Variants in FER1L6 observed in about 807,000 individuals in gnomAD.
The protein encoded by FER1L6 is fer-1 like family member 6, also known as fer-1-like protein 6.
In FER1L6, 177 loss-of-function variants were observed where a neutral mutation model predicts 219.2. The observed-to-expected ratio is 0.81, with a 90% CI of 0.71 to 0.91. FER1L6 has a LOEUF of 0.91. Among genes scored for constraint, FER1L6 ranks in the 40% least tolerant of loss-of-function variants. FER1L6 has a pLI of 0.00. For missense variants in FER1L6, 2,153 were observed against 2,259.9 expected (o/e 0.95, Z 0.96); for synonymous variants, 768 against 824.3 (o/e 0.93, Z 1.17).
At chr8:123,886,403 T>C (rs1817203908) in intron 1 of FER1L6, among the ~76,000 whole-genome samples, 1 of 152,048 alleles carries the variant, frequency 6.6e-6, no homozygotes, top group Non-Finnish European at 1.5e-5. Context: ...AGAGAGTGAG[T>C]TGTTATAAAG....
At chr8:123,890,649 T>TTTTTA (rs1554612335) in intron 1 of FER1L6, among the ~76,000 whole-genome samples, 2 of 146,742 alleles carry the variant, frequency 1.4e-5, no homozygotes, top group African/African-American at 5.0e-5. Flanking sequence ...TTTTTTTTTT[T>TTTTTA]ACCTCTGATG....
intron 18 of FER1L6, among the ~76,000 whole-genome samples, chr8:124,033,146 A>G (rs1355420231): frequency 6.6e-6 from 1 of 152,228 alleles, no homozygotes; most frequent in African/African-American, 2.4e-5. Flanking sequence ...TTATTGTTAG[A>G]AAAGTAAATA....
intron 22 of FER1L6, among the ~76,000 whole-genome samples, chr8:124,050,043 C>G (rs1013431989): frequency 6.6e-6 from 1 of 152,218 alleles, no homozygotes. Context: ...TGCAGGCCTC[C>G]ATGCAGGTCA....
At chr8:124,103,107 GA>G (rs1438427712) in intron 38 of FER1L6, 38 bp from the exon 39 acceptor site, 2 of 1,588,390 alleles carry the variant, frequency 1.3e-6, no homozygotes, top group Admixed American at 3.5e-5. Flanking sequence ...GTTACTTTTA[GA>G]AAATGCTTCC....
intron 1 of FER1L6, among the ~76,000 whole-genome samples, chr8:123,926,108 A>G (rs1813553530): frequency 6.6e-6 from 1 of 152,226 alleles, no homozygotes; most frequent in Admixed American, 6.5e-5. Flanking sequence ...AGTGTAAATT[A>G]ACACTCAGAA....
intron 22 of FER1L6, 79 bp downstream of exon 22, chr8:124,049,835 A>G (rs192282236): frequency 2.3e-4 from 322 of 1,428,666 alleles, no homozygotes; most frequent in Non-Finnish European, 2.3e-4. Context: ...TGCCACTTCA[A>G]TGAAGCTGTG....
chr8:124,078,708 G>GCAACCTCT (rs879730647), intron 32 of FER1L6, among the ~76,000 whole-genome samples: 1 of 151,866 alleles, frequency 6.6e-6, no homozygotes. Context: ...GGCATCCCAG[G>GCAACCTCT]TGGGATGGGA....
chr8:124,069,514 G>A, intron 29 of FER1L6, 39 bp downstream of exon 29: 2 of 1,456,946 alleles, frequency 1.4e-6, no homozygotes, highest in Non-Finnish European at 1.9e-6. Context: ...TGGATGGGGA[G>A]GGATGCTCAG....
intron 1 of FER1L6, among the ~76,000 whole-genome samples, chr8:123,895,111 C>T (rs1451150539): frequency 6.6e-6 from 1 of 152,188 alleles, no homozygotes; most frequent in Non-Finnish European, 1.5e-5. Flanking sequence ...ATTGCATCAT[C>T]ACTTCATGAT....
At chr8:124,028,535 G>T (rs1818814385) in intron 18 of FER1L6, among the ~76,000 whole-genome samples, 1 of 152,068 alleles carries the variant, frequency 6.6e-6, no homozygotes, top group African/African-American at 2.4e-5. Flanking sequence ...AAGTGAAGGT[G>T]GGCGGGGGTG....
At chr8:123,931,260 G>A (rs774058612) in intron 1 of FER1L6, among the ~76,000 whole-genome samples, 1 of 152,134 alleles carries the variant, frequency 6.6e-6, no homozygotes, top group African/African-American at 2.4e-5. Flanking sequence ...CTGCATGGTC[G>A]ATGGATGAGT....
intron 1 of FER1L6, among the ~76,000 whole-genome samples, chr8:123,951,703 A>C (rs1347898495): frequency 6.6e-6 from 1 of 152,238 alleles, no homozygotes; most frequent in Non-Finnish European, 1.5e-5. Context: ...AGAATTCATC[A>C]AATATATAAA....
In FER1L6 at chr8:124,092,514, A is replaced by T. The variant is rs531528260; in HGVS notation, c.4552+931A>T. Among the ~76,000 whole-genome samples the T allele has an allele frequency of 2.0e-5, 3 of 152,202 alleles. No individual in the cohort carries two copies. The South Asian group carries it at 6.2e-4, about 32-fold the overall frequency. On this transcript the variant is annotated intron_variant, in intron 34 of 40. Coordinates refer to ENST00000522917, the MANE Select transcript of FER1L6 (RefSeq NM_001039112.2). The stretch of plus-strand genomic sequence containing the variant: ...AGATTTTCCACATGAACATCCTGGG[A>T]CATAACACAAAGATCCCAGAGAGGC...
At chr8:123,908,672 TG>T (rs1451554973) in intron 1 of FER1L6, among the ~76,000 whole-genome samples, 1 of 152,214 alleles carries the variant, frequency 6.6e-6, no homozygotes, top group African/African-American at 2.4e-5. Flanking sequence ...AACACACAGA[TG>T]AATAAGATTG....
chr8:123,878,011 C>T (rs1052449139), intron 1 of FER1L6, among the ~76,000 whole-genome samples: 6 of 152,130 alleles, frequency 3.9e-5, no homozygotes, highest in South Asian at 4.1e-4. Context: ...ATTGCTTTAA[C>T]GTTCTATTCT....
At chr8:124,056,876 C>T (rs1309943728) in intron 22 of FER1L6, among the ~76,000 whole-genome samples, 1 of 152,114 alleles carries the variant, frequency 6.6e-6, no homozygotes, top group African/African-American at 2.4e-5. Flanking sequence ...GATACCCCGT[C>T]TCTACTAAAA....
intron 1 of FER1L6, among the ~76,000 whole-genome samples, chr8:123,920,870 G>C (rs187395810): frequency 6.6e-6 from 1 of 152,028 alleles, no homozygotes; most frequent in African/African-American, 2.4e-5. Flanking sequence ...GGCAACTACC[G>C]TTCTACTTTC....
chr8:124,119,929 A>G lies in FER1L6; in HGVS notation c.*139A>G, dbSNP rs1380007514. On this transcript the variant is annotated 3_prime_UTR_variant, in exon 41 of 41. Coordinates refer to ENST00000522917, the MANE Select transcript of FER1L6 (RefSeq NM_001039112.2). Reference sequence around the variant, plus strand: ...CAACCCTTCTTGGAAGAGATGGAAAAGAAACATTTCCTCCCTGCTCCAACC... The same window carrying G: ...CAACCCTTCTTGGAAGAGATGGAAAGGAAACATTTCCTCCCTGCTCCAACC... The G allele has an allele frequency of 1.1e-5, 10 of 879,268 alleles. No individual in the cohort carries two copies. Among genetic ancestry groups the G allele is most frequent in the East Asian group, 2.6e-5 (1 of 38,228 alleles). The allele number at this position is 879,268 out of a possible 1,614,324, so 54.5% of individuals were successfully genotyped here.
chr8:123,936,462 GTTT>G (rs779012175), intron 1 of FER1L6, among the ~76,000 whole-genome samples: 8,059 of 97,940 alleles, frequency 0.082, 187 homozygotes, highest in African/African-American at 0.13. Context: ...ATTGCAGCCT[GTTT>G]TTTTTTTTTT....
Sources: gnomAD v4.1 joint callset for allele counts (sites outside exome capture counted in the v4.1 genomes callset) on GRCh38, gnomAD v4.1.1 for gene constraint, MANE v1.5 for transcripts, NCBI Gene and HGNC (gene_info 2026-07-23, HGNC 2026-07-21) for gene names.